EP400: variants seen among roughly 807,000 people sequenced by gnomAD.
EP400 encodes the protein E1A-binding protein p400.
In EP400, 105 loss-of-function variants were observed where a neutral mutation model predicts 354.1. The observed-to-expected ratio is 0.30, with a 90% CI of 0.25 to 0.35. EP400 has a LOEUF of 0.35. Among genes scored for constraint, EP400 ranks in the 10% least tolerant of loss-of-function variants. The pLI, the probability that EP400 is intolerant of heterozygous loss-of-function variation, is 1.00. For missense variants in EP400, 3,280 were observed against 4,121.0 expected (o/e 0.80, Z 5.59); for synonymous variants, 1,646 against 1,716.9 (o/e 0.96, Z 1.02).
intron 51 of EP400, among the ~76,000 whole-genome samples, chr12:132,074,365 C>T (rs145560631): frequency 6.6e-5 from 10 of 152,202 alleles, no homozygotes; most frequent in Middle Eastern, 3.4e-3. Context: ...GTTATTGAGA[C>T]GTTGTCTTTG....
chr12:132,044,298 A>T lies in EP400; in HGVS notation c.6572A>T (p.Asp2191Val). 1 of 1,613,768 alleles carries T rather than the reference A, an allele frequency of 6.2e-7. No individual in the cohort carries two copies. Among genetic ancestry groups the T allele is most frequent in the East Asian group, 2.2e-5 (1 of 44,876 alleles). The change falls in exon 35 of 53, where the codon GAT (aspartate) becomes GTT (valine). Residue 2191 changes from aspartate to valine, a missense_variant. Transcript: ENST00000389561. ...GAGCTCCTGACCTACACGCGAGAGG[A>T]TGCCTACAGCATGGTACCCGGCCCG... The part of the protein sequence containing the change: ...EAELLTYTRE[D>V]AYSMEYVYED...
In EP400 at chr12:131,961,944, T is replaced by C. The variant is rs761579911; in HGVS notation, c.1325T>C (p.Ile442Thr). 1 of 1,611,384 alleles carries C rather than the reference T, an allele frequency of 6.2e-7. No individual in the cohort carries two copies. The highest frequency in any genetic ancestry group is 1.1e-5 in the South Asian group (1 of 90,986). Reference sequence around the variant, plus strand: ...GAGGAGGAAGAAAAATCTGAGGTTATCAATGACGAGGTAAGAAACAGGAGT... The same window carrying C: ...GAGGAGGAAGAAAAATCTGAGGTTACCAATGACGAGGTAAGAAACAGGAGT... ...EEEEEEKSEV[I>T]NDEQQALAGS... The change falls in exon 2 of 53, where the codon ATC (isoleucine) becomes ACC (threonine). Residue 442 changes from isoleucine to threonine, a missense_variant. Ile to Thr is a moderately conservative substitution (Grantham distance 89, BLOSUM62 -1). Around this residue, in one of 20 missense-constraint regions of EP400, gnomAD observed 800 missense variants for 840.0 expected, o/e 0.95. Coordinates refer to ENST00000389561, the MANE Select transcript of EP400 (RefSeq NM_015409.5).
Position 131,992,163 on chromosome 12 carries a change from T to C in EP400, c.2680-10T>C. 1 of 1,605,436 alleles carries C rather than the reference T, an allele frequency of 6.2e-7. No homozygotes were observed. Among genetic ancestry groups the C allele is most frequent in the South Asian group, 1.1e-5 (1 of 91,084 alleles). The stretch of plus-strand genomic sequence containing the variant: ...TCTCATGCTTGTGGTTTTTCTTTCT[T>C]TTCTTTCAGGATTCAGGAATGTCTG... On this transcript the variant is annotated splice_polypyrimidine_tract_variant and intron_variant, in intron 10 of 52. Coordinates refer to ENST00000389561, the MANE Select transcript of EP400 (RefSeq NM_015409.5).
chr12:132,031,502 G>C, intron 29 of EP400: 1 of 415,498 alleles, frequency 2.4e-6, no homozygotes, highest in South Asian at 1.8e-5. Flanking sequence ...GGGGACCTTG[G>C]TGTTGCTTTA....
chr12:132,060,299 G>A (rs1354902916), intron 45 of EP400, among the ~76,000 whole-genome samples: 1 of 152,158 alleles, frequency 6.6e-6, no homozygotes, highest in Non-Finnish European at 1.5e-5. Context: ...GGGCCTGATA[G>A]GTAGTCACTG....
In EP400 at chr12:132,021,197, C is replaced by T; in HGVS notation, c.4566C>T (p.Thr1522=). ...PAHPAKLRAQ[T]TAQASTPGQP... ...ATCCTGCGAAACTGCGGGCCCAGAC[C>T]ACAGCACAGGCCTCCACCCCAGGCC... is the stretch of plus-strand genomic sequence containing the variant. Residue 1522 remains threonine (T), a synonymous_variant, in exon 23 of 53, where the codon ACC becomes ACT. Coordinates refer to ENST00000389561, the MANE Select transcript of EP400 (RefSeq NM_015409.5). The T allele has an allele frequency of 6.2e-7, 1 of 1,600,560 alleles. No homozygotes were observed. Among genetic ancestry groups the T allele is most frequent in the Non-Finnish European group, 8.5e-7 (1 of 1,179,480 alleles).
rs1356850724 is a variant in EP400, at chr12:131,994,304, C to T, written c.2738-563C>T. 6.6e-6 allele frequency among the ~76,000 whole-genome samples: 1 copy of T among 152,096 alleles called. No individual in the cohort carries two copies. Among genetic ancestry groups the T allele is most frequent in the Non-Finnish European group, 1.5e-5 (1 of 68,014 alleles). On this transcript the variant is annotated intron_variant, in intron 11 of 52. Transcript: ENST00000389561. The surrounding 1 kb of genome is among the most constrained non-coding windows in gnomAD (Gnocchi z 4.6). ...AGAGATGGTGCAGGCCCCCTGCAGG[C>T]CCCCAGGTGGGGAGAGGGTCCGTGG...
intron 7 of EP400, among the ~76,000 whole-genome samples, chr12:131,989,307 G>C (rs1412388755): frequency 6.6e-6 from 1 of 152,232 alleles, no homozygotes; most frequent in African/African-American, 2.4e-5. Context: ...CTGCAGAGCA[G>C]CCCACCCCGA....
chr12:131,981,710 G>T lies in EP400; in HGVS notation c.1543+114G>T. On this transcript the variant is annotated intron_variant, in intron 4 of 52. Transcript: ENST00000389561. ...AGTGGAGGTAGCGTGTTTGCAGTGG[G>T]GTGCCTGAAATTGAGATACTTCTCT... 3 of 846,846 alleles carry T rather than the reference G, an allele frequency of 3.5e-6. No homozygotes were observed. The East Asian group carries it at 8.0e-5, about 23-fold the overall frequency. 52.5% of individuals were successfully genotyped at this position (846,846 alleles called of 1,614,324 possible).
chr12:132,049,028 A>G (rs1050965115), intron 39 of EP400, among the ~76,000 whole-genome samples: 8 of 152,228 alleles, frequency 5.3e-5, no homozygotes, highest in Non-Finnish European at 8.8e-5. Context: ...AGAGGACCCC[A>G]TGGTGACTTG....
Position 132,013,945 on chromosome 12 carries a change from T to C in EP400, c.3923+32T>C, listed in dbSNP as rs1330579252. 6.2e-7 allele frequency: 1 copy of C among 1,610,204 alleles called. No individual in the cohort carries two copies. Among genetic ancestry groups the C allele is most frequent in the Non-Finnish European group, 8.5e-7 (1 of 1,178,196 alleles). ...GTGGGCTCTGGGCATGTGCCCCCTT[T>C]GCTGTCCCTGCCTGTGAGGGAAAAC... On this transcript the variant is annotated intron_variant, in intron 19 of 52. Coordinates refer to ENST00000389561, the MANE Select transcript of EP400 (RefSeq NM_015409.5). This position sits in a 1 kb window ranked among gnomAD's most constrained non-coding sequence, Gnocchi z 4.5.
At chr12:132,023,388 T>C (rs1894190788) in intron 23 of EP400, among the ~76,000 whole-genome samples, 1 of 139,908 alleles carries the variant, frequency 7.1e-6, no homozygotes, top group Non-Finnish European at 1.5e-5. Flanking sequence ...ACTCCTGACC[T>C]CATGTGATCC....
intron 5 of EP400, among the ~76,000 whole-genome samples, chr12:131,983,591 G>A (rs1426645320): frequency 2.6e-5 from 4 of 152,238 alleles, no homozygotes; most frequent in Non-Finnish European, 4.4e-5. Context: ...ACATCAGGGC[G>A]TGGGGAGCCC....
chr12:132,059,661 G>A (rs1220045350), intron 45 of EP400, among the ~76,000 whole-genome samples: 2 of 152,228 alleles, frequency 1.3e-5, no homozygotes, highest in East Asian at 3.8e-4. Context: ...CGGAATGACA[G>A]ACACTGGATA....
intron 30 of EP400, among the ~76,000 whole-genome samples, chr12:132,033,406 C>T (rs1029041185): frequency 6.6e-6 from 1 of 152,164 alleles, no homozygotes; most frequent in Non-Finnish European, 1.5e-5. Flanking sequence ...GTGTGCCGAG[C>T]ACATCCTGGG....
At chr12:132,033,823 C>T (rs947907977) in intron 30 of EP400, among the ~76,000 whole-genome samples, 7 of 152,184 alleles carry the variant, frequency 4.6e-5, no homozygotes, top group Non-Finnish European at 1.0e-4. Flanking sequence ...TGAGTCACTG[C>T]ACCCGGCCAA....
intron 7 of EP400, among the ~76,000 whole-genome samples, 189 bp from the exon 8 acceptor site, chr12:131,989,775 C>G (rs1469636232): frequency 6.6e-6 from 1 of 152,110 alleles, no homozygotes; most frequent in Non-Finnish European, 1.5e-5. Context: ...AAAAGTCAAG[C>G]TAAATATTGA....
intron 48 of EP400, chr12:132,066,058 A>G (rs1895880890): frequency 6.6e-6 from 1 of 152,254 alleles, no homozygotes; most frequent in Admixed American, 6.5e-5. Flanking sequence ...TAAGTAAATG[A>G]TGTATCATCC....
chr12:132,023,850 G>C lies in EP400; in HGVS notation c.4764G>C (p.Thr1588=), dbSNP rs777423888. ...AGAGCCGCGTGGCTCAGCCAGAGAC[G>C]CCGGTGACACTGCAGTTCCAGGGCA... is the stretch of plus-strand genomic sequence containing the variant. ...GPQSRVAQPE[T]PVTLQFQGSK... The change falls in exon 24 of 53, where the codon ACG becomes ACC. Residue 1588 remains threonine, a synonymous_variant. Transcript: ENST00000389561. 17 of 1,613,614 alleles carry C rather than the reference G, an allele frequency of 1.1e-5. No individual in the cohort carries two copies. The South Asian group carries it at 1.9e-4, about 18-fold the overall frequency.
Sources: allele counts gnomAD v4.1 joint callset (sites outside exome capture counted in the v4.1 genomes callset), GRCh38; gene constraint gnomAD v4.1.1; regional missense constraint gnomAD v4.1.1; non-coding constraint Gnocchi (gnomAD v3.1); transcripts MANE v1.5; gene names NCBI Gene and HGNC (gene_info 2026-07-23, HGNC 2026-07-21).